SPNS3: variants seen among roughly 807,000 people sequenced by gnomAD.
SPNS3 encodes the protein SPNS lysolipid transporter 3, sphingosine-1-phosphate (putative), also known as protein spinster homolog 3.
In SPNS3, 51 loss-of-function variants were observed where a neutral mutation model predicts 54.4. That is an observed-to-expected ratio of 0.94 (90% CI 0.75 to 1.18). SPNS3 has a LOEUF of 1.18. SPNS3 is among the 50% of genes most tolerant of loss of function. The pLI is 0.00. For missense variants in SPNS3, 669 were observed against 677.4 expected, an observed-to-expected ratio of 0.99 and a Z score of 0.14; for synonymous variants, 309 against 294.7, an observed-to-expected ratio of 1.05 and a Z score of -0.50.
chr17:4,475,689 C>T (rs766539188), intron 8 of SPNS3, among the ~76,000 whole-genome samples: 16 of 152,168 alleles, frequency 1.1e-4, no homozygotes, highest in Admixed American at 2.0e-4. Flanking sequence ...TGAGTTTAGG[C>T]AGCTGTTCAG....
chr17:4,486,139 C>G lies in SPNS3; in HGVS notation c.1180-89C>G, dbSNP rs1470477271. On this transcript the variant is annotated intron_variant, in intron 9 of 11. Coordinates refer to ENST00000355530, the MANE Select transcript of SPNS3 (RefSeq NM_182538.5). The surrounding 1 kb of genome is among the most constrained non-coding windows in gnomAD (Gnocchi z 5.5). ...TCCCACTCACCTGAATGGCCTGTCA[C>G]TCCTCCAGGCAGGTCCTTGGCAGGT... is the stretch of plus-strand genomic sequence containing the variant. 3 of 1,199,978 alleles carry G rather than the reference C, an allele frequency of 2.5e-6. No individual in the cohort carries two copies. In the East Asian group the frequency reaches 8.2e-5, roughly 33 times the overall value. The allele number at this position is 1,199,978 out of a possible 1,614,324, so 74.3% of individuals were successfully genotyped here.
intron 7 of SPNS3, among the ~76,000 whole-genome samples, chr17:4,450,596 TTTTA>T (rs1287998852): frequency 6.7e-6 from 1 of 150,194 alleles, no homozygotes; most frequent in Non-Finnish European, 1.5e-5. Context: ...TTTTATTTTA[TTTTA>T]TTTATTTTTT....
At chr17:4,465,958 T>C (rs1214004261) in intron 8 of SPNS3, among the ~76,000 whole-genome samples, 2 of 152,240 alleles carry the variant, frequency 1.3e-5, no homozygotes, top group Admixed American at 6.5e-5. Flanking sequence ...AGTTCCACGC[T>C]GCTCTTTTGG....
chr17:4,460,046 C>T (rs1971454721), intron 8 of SPNS3, among the ~76,000 whole-genome samples: 2 of 151,956 alleles, frequency 1.3e-5, no homozygotes, highest in Non-Finnish European at 2.9e-5. Flanking sequence ...TGTGGATATT[C>T]GGGGGAACAG....
Position 4,488,126 on chromosome 17 carries a change from C to A in SPNS3, c.*232C>A. On this transcript the variant is annotated 3_prime_UTR_variant, in exon 12 of 12. Transcript: ENST00000355530. ...TGCATCCCGCTCAAGGCTGCCCCAG[C>A]CTGGGGTCTCCAGCCTGGCTGCTGC... is the stretch of plus-strand genomic sequence containing the variant. 1.8e-6 allele frequency: 1 copy of A among 565,186 alleles called. No individual in the cohort carries two copies. Among genetic ancestry groups the A allele is most frequent in the East Asian group, 2.9e-5 (1 of 33,914 alleles). The allele number at this position is 565,186 out of a possible 1,614,324, so 35.0% of individuals were successfully genotyped here.
chr17:4,435,471 AT>A (rs1302448790), intron 1 of SPNS3, among the ~76,000 whole-genome samples: 25 of 149,842 alleles, frequency 1.7e-4, no homozygotes, highest in Admixed American at 1.0e-3. Flanking sequence ...TAAAAAATAA[AT>A]AAATAAATAA....
chr17:4,468,749 C>CTTTCTTTCTTTCT (rs1555531888), intron 8 of SPNS3, among the ~76,000 whole-genome samples: 9 of 140,878 alleles, frequency 6.4e-5, no homozygotes, highest in Non-Finnish European at 3.0e-5. Flanking sequence ...TTCTTTCTTT[C>CTTTCTTTCTTTCT]TTTCTTTCTT....
intron 8 of SPNS3, among the ~76,000 whole-genome samples, chr17:4,473,768 T>C (rs1228797828): frequency 1.3e-5 from 2 of 152,108 alleles, no homozygotes; most frequent in Non-Finnish European, 2.9e-5. Context: ...ACAGGGGAGC[T>C]TGCAGGGTGG....
chr17:4,461,663 A>G (rs568138088), intron 8 of SPNS3, among the ~76,000 whole-genome samples: 13 of 152,186 alleles, frequency 8.5e-5, no homozygotes, highest in Admixed American at 7.2e-4. Context: ...GTTGGATTAC[A>G]TATGTATTTT....
intron 7 of SPNS3, among the ~76,000 whole-genome samples, chr17:4,451,844 T>TA (rs1971175060): frequency 3.9e-5 from 3 of 76,576 alleles, no homozygotes; most frequent in Admixed American, 3.7e-4. Flanking sequence ...AATTTTTGTA[T>TA]TTTTTTTTTT....
intron 8 of SPNS3, among the ~76,000 whole-genome samples, chr17:4,460,527 G>A (rs895819401): frequency 3.3e-5 from 5 of 150,306 alleles, no homozygotes; most frequent in Non-Finnish European, 7.4e-5. Flanking sequence ...TGCCGCCCGG[G>A]TTCACACCAT....
rs1184014259 is a variant in SPNS3, at chr17:4,483,430, G to A, written c.1180-2798G>A. Reference sequence around the variant, plus strand: ...GCTGCACGGAGACAATGAGGACTTGGAACAGGCTGGGGGAGACCCACCTCT... The same window carrying A: ...GCTGCACGGAGACAATGAGGACTTGAAACAGGCTGGGGGAGACCCACCTCT... On this transcript the variant is annotated intron_variant, in intron 9 of 11. Transcript: ENST00000355530. The surrounding 1 kb of genome is among the most constrained non-coding windows in gnomAD (Gnocchi z 4.2). 5.3e-5 allele frequency: 8 copies of A among 152,240 alleles called. No individual in the cohort carries two copies. Among genetic ancestry groups the A allele is most frequent in the African/African-American group, 1.4e-4 (6 of 41,444 alleles). The allele number at this position is 152,240 out of a possible 1,614,324, so 9.4% of individuals were successfully genotyped here.
chr17:4,477,880 G>T (rs60407494), intron 8 of SPNS3, among the ~76,000 whole-genome samples: 5,858 of 152,084 alleles, frequency 0.039, 389 homozygotes, highest in African/African-American at 0.13. Flanking sequence ...CAGTGTATAC[G>T]GACTTTTGGG....
chr17:4,438,302 C>T (rs1182929751), intron 1 of SPNS3, among the ~76,000 whole-genome samples: 2 of 152,184 alleles, frequency 1.3e-5, no homozygotes, highest in African/African-American at 2.4e-5. Context: ...GACGGGCAAC[C>T]TTGGGCCGCT....
At chr17:4,473,884 C>G (rs1196871485) in intron 8 of SPNS3, among the ~76,000 whole-genome samples, 1 of 151,904 alleles carries the variant, frequency 6.6e-6, no homozygotes, top group Non-Finnish European at 1.5e-5. Flanking sequence ...TGGAGTGGTG[C>G]GGAAACCTGG....
chr17:4,441,834 C>T (rs1018746950), intron 2 of SPNS3, among the ~76,000 whole-genome samples: 4 of 151,990 alleles, frequency 2.6e-5, no homozygotes, highest in South Asian at 2.1e-4. Flanking sequence ...AGGCTGGTCT[C>T]GAACTCCTGA....
intron 9 of SPNS3, chr17:4,484,989 T>C (rs1303473861): frequency 6.6e-6 from 1 of 151,792 alleles, no homozygotes; most frequent in Admixed American, 6.6e-5. Flanking sequence ...GAGACATGCG[T>C]TAATTAGGGG....
Position 4,448,036 on chromosome 17 carries a change from C to G in SPNS3, c.622-119C>G, listed in dbSNP as rs1597310154. ...CCAGGAATCAGGTCACCCCCACTAC[C>G]CCCAGGGCTTGGAAACCAGAGGTCA... On this transcript the variant is annotated intron_variant, in intron 5 of 11. Transcript: ENST00000355530. 9 of 1,006,362 alleles carry G rather than the reference C, an allele frequency of 8.9e-6. No individual in the cohort carries two copies. The East Asian group carries it at 2.8e-4, about 31-fold the overall frequency. The allele number at this position is 1,006,362 out of a possible 1,614,324, so 62.3% of individuals were successfully genotyped here.
At chr17:4,442,202 G>A (rs1354313470) in intron 2 of SPNS3, among the ~76,000 whole-genome samples, 1 of 152,078 alleles carries the variant, frequency 6.6e-6, no homozygotes, top group African/African-American at 2.4e-5. Context: ...CAGGGCTGCT[G>A]AGAAGAGGAA....
Sources: gnomAD v4.1 joint callset for allele counts (sites outside exome capture counted in the v4.1 genomes callset) on GRCh38, gnomAD v4.1.1 for gene constraint, Gnocchi (gnomAD v3.1) non-coding constraint, MANE v1.5 for transcripts, NCBI Gene and HGNC (gene_info 2026-07-23, HGNC 2026-07-21) for gene names.